The following NAALADL2 variants were observed in gnomAD, a reference collection of about 807,000 sequenced individuals.
The protein encoded by NAALADL2 is N-acetylated alpha-linked acidic dipeptidase like 2.
In NAALADL2, 76 loss-of-function variants were observed where a neutral mutation model predicts 87.2. The observed-to-expected ratio is 0.87, with a 90% CI of 0.72 to 1.05. NAALADL2 has a LOEUF of 1.05. Ranked by LOEUF, NAALADL2 falls within the 50% of genes least tolerant of loss-of-function variation. NAALADL2 has a pLI of 0.00. For missense variants in NAALADL2, 1,089 were observed against 945.8 expected (o/e 1.15, Z -1.99); for synonymous variants, 354 against 331.0 (o/e 1.07, Z -0.75).
chr3:175,460,208 T>C (rs1722906171), intron 6 of NAALADL2: 1 of 455,560 alleles, frequency 2.2e-6, no homozygotes, highest in South Asian at 1.6e-5. Flanking sequence ...TTCAAGACTT[T>C]CTGATATTTA....
At chr3:175,294,323 G>A (rs559229521) in intron 4 of NAALADL2, among the ~76,000 whole-genome samples, 1 of 151,854 alleles carries the variant, frequency 6.6e-6, no homozygotes, top group African/African-American at 2.4e-5. Flanking sequence ...TATGGTGTAT[G>A]ATACTTACTT....
chr3:175,537,841 A>T (rs1711543057), intron 9 of NAALADL2, among the ~76,000 whole-genome samples: 1 of 152,230 alleles, frequency 6.6e-6, no homozygotes, highest in African/African-American at 2.4e-5. Flanking sequence ...AATTGGGAAG[A>T]AAATGCTAGT....
At chr3:175,700,480 C>T (rs1738837440) in intron 11 of NAALADL2, among the ~76,000 whole-genome samples, 1 of 152,092 alleles carries the variant, frequency 6.6e-6, no homozygotes, top group Admixed American at 6.6e-5. Context: ...AAGGTAACTG[C>T]CTTTTCTGAA....
chr3:174,457,603 A>G (rs1715926991), intron 1 of NAALADL2, among the ~76,000 whole-genome samples: 1 of 152,170 alleles, frequency 6.6e-6, no homozygotes, highest in Non-Finnish European at 1.5e-5. Context: ...AGGTGGGCAG[A>G]TCATGAGGTC....
chr3:175,523,162 G>C (rs1732900564), intron 9 of NAALADL2, among the ~76,000 whole-genome samples: 2 of 152,296 alleles, frequency 1.3e-5, no homozygotes, highest in Middle Eastern at 3.4e-3. Flanking sequence ...TTATCAAATA[G>C]GGGTGATGTT....
In NAALADL2 at chr3:175,096,832, C is replaced by A. The variant is rs777084560; in HGVS notation, c.86C>A (p.Ala29Asp). The A allele has an allele frequency of 1.2e-6, 2 of 1,606,102 alleles. No individual in the cohort carries two copies. Among genetic ancestry groups the A allele is most frequent in the Non-Finnish European group, 1.7e-6 (2 of 1,175,934 alleles). ...AYQKVHADQRAPGHSQYLDND... is the reference protein window; with the variant it reads ...AYQKVHADQRDPGHSQYLDND... The stretch of plus-strand genomic sequence containing the variant: ...CAGAAGGTCCATGCAGATCAAAGAG[C>A]TCCAGGACACTCACAGTACTTAGAC... Residue 29 changes from alanine to aspartate, a missense_variant, in exon 2 of 14, where the codon GCT becomes GAT. Ala to Asp is a moderately radical substitution (Grantham distance 126, BLOSUM62 -2). Coordinates refer to ENST00000454872, the MANE Select transcript of NAALADL2 (RefSeq NM_207015.3).
intron 10 of NAALADL2, among the ~76,000 whole-genome samples, chr3:175,583,505 A>AAT (rs1288605131): frequency 6.9e-6 from 1 of 144,782 alleles, no homozygotes; most frequent in African/African-American, 2.9e-5. Context: ...AAAAAAAAAA[A>AAT]ATCAGATGTG....
At chr3:174,508,114 G>GTTTTTTTTTTTT (rs1311325384) in intron 1 of NAALADL2, among the ~76,000 whole-genome samples, 3,209 of 103,230 alleles carry the variant, frequency 0.031, 246 homozygotes, top group Non-Finnish European at 0.043. Flanking sequence ...ATATCTAGTG[G>GTTTTTTTTTTTT]TTTTTTTTTT....
At chr3:174,792,273 A>G (rs1717553222) in intron 3 of NAALADL2, among the ~76,000 whole-genome samples, 1 of 147,832 alleles carries the variant, frequency 6.8e-6, no homozygotes, top group Non-Finnish European at 1.5e-5. Flanking sequence ...AGAAGGAAGG[A>G]AGGAGGGAGG....
Position 175,576,195 on chromosome 3 carries a change from T to G in NAALADL2, c.1800+8T>G, listed in dbSNP as rs772365485. 6.2e-7 allele frequency: 1 copy of G among 1,609,236 alleles called. No homozygotes were observed. The highest frequency in any genetic ancestry group is 8.5e-7 in the Non-Finnish European group (1 of 1,178,230). ...GACATCAAAACATTAGAGGTGATTG[T>G]TCCTAAAAAATGCAAAACACACACA... On this transcript the variant is annotated splice_region_variant and intron_variant, in intron 10 of 13. Transcript: ENST00000454872.
intron 6 of NAALADL2, among the ~76,000 whole-genome samples, chr3:175,460,787 C>T (rs10513731): frequency 9.2e-5 from 14 of 152,222 alleles, no homozygotes; most frequent in African/African-American, 2.9e-4. Context: ...AGCATCCACA[C>T]TGGGACAAAA....
chr3:175,693,884 G>A (rs181193892), intron 11 of NAALADL2, among the ~76,000 whole-genome samples: 157 of 152,090 alleles, frequency 1.0e-3, no homozygotes, highest in African/African-American at 3.5e-3. Flanking sequence ...TTTTTAGTAC[G>A]TCGTTTCACC....
chr3:174,552,961 A>G lies in NAALADL2; in HGVS notation c.-115+2324A>G, dbSNP rs80090694. On this transcript the variant is annotated intron_variant, in intron 2 of 3. Coordinates refer to the NAALADL2 transcript ENST00000434257. Reference sequence around the variant, plus strand: ...AGATAGGTGACTATAGACATATGTTACACGTTATAAACTTTAAGTCCAAAG... The same window carrying G: ...AGATAGGTGACTATAGACATATGTTGCACGTTATAAACTTTAAGTCCAAAG... 2.0e-5 allele frequency among the ~76,000 whole-genome samples: 3 copies of G among 152,278 alleles called. No individual in the cohort carries two copies. The East Asian group carries it at 5.8e-4, about 29-fold the overall frequency.
At chr3:175,240,646 TTTTG>T (rs899079966) in intron 3 of NAALADL2, among the ~76,000 whole-genome samples, 4 of 152,026 alleles carry the variant, frequency 2.6e-5, no homozygotes, top group South Asian at 2.1e-4. Context: ...ACTTCGAAGT[TTTTG>T]TTTGTTTGTT....
intron 8 of NAALADL2, among the ~76,000 whole-genome samples, chr3:175,469,379 A>G (rs1037085459): frequency 6.6e-5 from 10 of 152,070 alleles, no homozygotes; most frequent in Non-Finnish European, 1.0e-4. Flanking sequence ...TGCTCTAAAT[A>G]TATTCCCCTG....
chr3:174,643,973 T>C (rs547529354), intron 2 of NAALADL2, among the ~76,000 whole-genome samples: 1 of 152,336 alleles, frequency 6.6e-6, no homozygotes, highest in Non-Finnish European at 1.5e-5. Context: ...ACTCAGTTTA[T>C]GAAATCGTTT....
At chr3:174,508,216 C>A (rs1719351945) in intron 1 of NAALADL2, among the ~76,000 whole-genome samples, 1 of 151,334 alleles carries the variant, frequency 6.6e-6, no homozygotes, top group Non-Finnish European at 1.5e-5. Flanking sequence ...CGGGTTCATG[C>A]CATTCTCCTG....
At chr3:175,631,308 C>T (rs1462242534) in intron 11 of NAALADL2, among the ~76,000 whole-genome samples, 1 of 151,682 alleles carries the variant, frequency 6.6e-6, no homozygotes, top group African/African-American at 2.4e-5. Context: ...ATGAACAGAT[C>T]TCACAGTGGT....
At chr3:174,714,562 A>G (rs1192078116) in intron 2 of NAALADL2, among the ~76,000 whole-genome samples, 2 of 152,130 alleles carry the variant, frequency 1.3e-5, no homozygotes, top group Non-Finnish European at 1.5e-5. Flanking sequence ...TCTTTGAAGC[A>G]GTTGTGAATG....
Sources: allele counts gnomAD v4.1 joint callset (sites outside exome capture counted in the v4.1 genomes callset), GRCh38; gene constraint gnomAD v4.1.1; transcripts MANE v1.5; gene names NCBI Gene and HGNC (gene_info 2026-07-23, HGNC 2026-07-21).